AGBL2: variants seen among roughly 807,000 people sequenced by gnomAD.
The protein encoded by AGBL2 is AGBL carboxypeptidase 2.
In AGBL2, 87 loss-of-function variants were observed where a neutral mutation model predicts 103.0. The ratio of observed to expected loss-of-function variants is 0.84; its 90% CI spans 0.71 to 1.01. The LOEUF (loss-of-function observed/expected upper bound fraction) is 1.01, where lower values mean the gene tolerates loss of function less well. AGBL2 is among the 50% of genes least tolerant of loss of function. AGBL2 has a pLI of 0.00. For synonymous variants in AGBL2, 335 were observed against 356.7 expected (o/e 0.94, Z 0.69); for missense variants, 904 against 1,023.5 (o/e 0.88, Z 1.59).
At position 47,710,502 on chromosome 11, in the gene AGBL2, C is replaced by T. The variant is rs771690157; in HGVS notation, c.107G>A (p.Gly36Asp). Residue 36 changes from glycine to aspartate, a missense_variant, in exon 4 of 19, where the codon GGC becomes GAC. Physicochemically the swap from Gly to Asp is moderately conservative, Grantham distance 94 (BLOSUM62 -1). Coordinates refer to ENST00000525123, the MANE Select transcript of AGBL2 (RefSeq NM_024783.4). The stretch of plus-strand genomic sequence containing the variant: ...ATGCGTAGCAGAGTTTGGTAAACTG[C>T]CTCTCTGAGCTAAAAATTGGCAGTT... The part of the protein sequence containing the change: ...QYYGYFKAQR[G>D]SLPNSATHQH... 8 of 1,613,956 alleles carry T rather than the reference C, an allele frequency of 5.0e-6. No individual in the cohort carries two copies. Among genetic ancestry groups the T allele is most frequent in the Non-Finnish European group, 5.1e-6 (6 of 1,180,028 alleles).
Position 47,693,642 on chromosome 11 carries a change from C to G in AGBL2, c.695-1386G>C, listed in dbSNP as rs572633392. 7.9e-5 allele frequency among the ~76,000 whole-genome samples: 12 copies of G among 152,270 alleles called. No homozygotes were observed. The South Asian group carries it at 2.5e-3, about 32-fold the overall frequency. On this transcript the variant is annotated intron_variant, in intron 8 of 18. Transcript: ENST00000525123. ...CTGTATGTTCGTAGTGTTTTGAAAT[C>G]AAGAAATGTGAATCTTCGAATTTTG...
chr11:47,661,238 T>C (rs1490033137), intron 18 of AGBL2, among the ~76,000 whole-genome samples: 1 of 152,174 alleles, frequency 6.6e-6, no homozygotes, highest in African/African-American at 2.4e-5. Flanking sequence ...ACACTGGATT[T>C]AACTGAATTC....
chr11:47,703,935 A>G (rs1198564792), intron 7 of AGBL2, among the ~76,000 whole-genome samples: 1 of 137,238 alleles, frequency 7.3e-6, no homozygotes, highest in Admixed American at 7.3e-5. Flanking sequence ...CAAAAAAAAA[A>G]AAAAACAAAA....
In AGBL2 at chr11:47,690,448, C is replaced by G; in HGVS notation, c.1259G>C (p.Cys420Ser). The G allele has an allele frequency of 6.2e-7, 1 of 1,614,054 alleles. No individual in the cohort carries two copies. Among genetic ancestry groups the G allele is most frequent in the Non-Finnish European group, 8.5e-7 (1 of 1,180,024 alleles). ...VANNPIQSQF[C>S]KLQTLCRSLA... is the part of the protein sequence containing the mutation. ...GCTCCTGCATAAAGTTTGGAGCTTG[C>G]AGAACTGAGACTGGATAGGGTTGTT... Residue 420 changes from cysteine to serine, a missense_variant, in exon 10 of 19, where the codon TGC becomes TCC. By Grantham distance (112) the Cys-to-Ser change is moderately radical. Coordinates refer to ENST00000525123, the MANE Select transcript of AGBL2 (RefSeq NM_024783.4).
intron 13 of AGBL2, among the ~76,000 whole-genome samples, chr11:47,678,793 C>T (rs879531714): frequency 1.3e-5 from 2 of 151,518 alleles, no homozygotes; most frequent in African/African-American, 2.4e-5. Context: ...CACAGTGGCT[C>T]GCGCCTATAA....
chr11:47,711,359 C>T (rs1371110895), intron 3 of AGBL2, among the ~76,000 whole-genome samples: 1 of 152,172 alleles, frequency 6.6e-6, no homozygotes, highest in Non-Finnish European at 1.5e-5. Context: ...TCAGAGATTA[C>T]CTGGGCAACT....
At chr11:47,675,375 GTTTTTTTTTTT>G (rs34044161) in intron 14 of AGBL2, among the ~76,000 whole-genome samples, 3 of 55,114 alleles carry the variant, frequency 5.4e-5, no homozygotes, top group African/African-American at 7.3e-5. Flanking sequence ...CCCCTGCTAA[GTTTTTTTTTTT>G]TTTTTTTTTT....
rs1450580524 is a variant in AGBL2, at chr11:47,682,082, C to T, written c.1802G>A (p.Ser601Asn). ...KNAPDKFSFH[S>N]CNFKVQKCKE... ...GCATTTTTGGACCTTAAAATTACAA[C>T]TGTGAAAAGAGAACTAAAAAGAAAT... Residue 601 changes from serine to asparagine, a missense_variant, in exon 12 of 19, where the codon AGT (serine) becomes AAT (asparagine). Coordinates refer to ENST00000525123, the MANE Select transcript of AGBL2 (RefSeq NM_024783.4). The T allele has an allele frequency of 6.2e-7, 1 of 1,613,752 alleles. No individual in the cohort carries two copies.
intron 10 of AGBL2, among the ~76,000 whole-genome samples, chr11:47,689,062 A>C (rs910039249): frequency 6.6e-6 from 1 of 152,004 alleles, no homozygotes; most frequent in Non-Finnish European, 1.5e-5. Context: ...CTGTATTTTC[A>C]TTTCCAATGG....
At chr11:47,674,193 G>A (rs2097366691) in intron 14 of AGBL2, among the ~76,000 whole-genome samples, 1 of 152,168 alleles carries the variant, frequency 6.6e-6, no homozygotes, top group African/African-American at 2.4e-5. Context: ...ACCTAAGGGG[G>A]ATAAGGAGTG....
intron 7 of AGBL2, among the ~76,000 whole-genome samples, chr11:47,701,987 A>G (rs398045773): frequency 7.5e-6 from 1 of 133,252 alleles, no homozygotes; most frequent in African/African-American, 2.6e-5. Flanking sequence ...AAAAAAAAAA[A>G]AAAAAGAAAA....
intron 10 of AGBL2, 96 bp from the exon 11 acceptor site, chr11:47,686,145 T>G: frequency 7.9e-7 from 1 of 1,268,158 alleles, no homozygotes; most frequent in Non-Finnish European, 1.1e-6. Context: ...CAGCTGTTAA[T>G]ACTTTCCCTC....
At chr11:47,700,370 G>A (rs1055885027) in intron 7 of AGBL2, among the ~76,000 whole-genome samples, 12 of 151,800 alleles carry the variant, frequency 7.9e-5, no homozygotes, top group South Asian at 2.1e-4. Flanking sequence ...CCTGAGGTCG[G>A]GAGTTCGAGA....
rs2097510949 is a variant in AGBL2 at position 47,704,601 on chromosome 11, C to T, written c.528G>A (p.Leu176=). ...ATTCAATTGGCCATCTTGGAGCCTGCAGTGGCCTCTTGGTAGACAAAATGG... is the reference window on the plus strand; with the variant it reads ...ATTCAATTGGCCATCTTGGAGCCTGTAGTGGCCTCTTGGTAGACAAAATGG... ...LFSILSTKRP[L]QAPRWPIECE... is the part of the protein sequence containing the mutation. Residue 176 remains leucine, a synonymous_variant, in exon 7 of 19, where the codon CTG becomes CTA. Coordinates refer to ENST00000525123, the MANE Select transcript of AGBL2 (RefSeq NM_024783.4). 6.2e-7 allele frequency: 1 copy of T among 1,613,876 alleles called. No homozygotes were observed. The highest frequency in any genetic ancestry group is 8.5e-7 in the Non-Finnish European group (1 of 1,180,000).
At chr11:47,669,039 T>C (rs2097349349) in intron 14 of AGBL2, 132 bp from the exon 15 acceptor site, 1 of 628,810 alleles carries the variant, frequency 1.6e-6, no homozygotes, top group South Asian at 1.8e-5. Flanking sequence ...TCATTGTCTA[T>C]GCTTCAATTA....
Position 47,692,258 on chromosome 11 carries a change from T to G in AGBL2, c.695-2A>C. ...TAAAATAGGAACCTTCTATAGGCAC[T>G]GCAGAGAAAAGATATATTTAGGCTA... On this transcript the variant is annotated splice_acceptor_variant, in intron 8 of 18. Transcript: ENST00000525123. LOFTEE classifies it high-confidence loss of function. The G allele has an allele frequency of 6.2e-7, 1 of 1,613,280 alleles. No homozygotes were observed.
intron 8 of AGBL2, among the ~76,000 whole-genome samples, chr11:47,694,920 G>C (rs535489317): frequency 6.6e-6 from 1 of 152,194 alleles, no homozygotes; most frequent in East Asian, 1.9e-4. Flanking sequence ...AGGCTGAGGC[G>C]GGTGGATCAC....
chr11:47,662,940 C>T (rs1335127388), intron 18 of AGBL2, 86 bp downstream of exon 18: 8 of 1,136,944 alleles, frequency 7.0e-6, no homozygotes, highest in African/African-American at 4.7e-5. Context: ...TGTGCATCAC[C>T]GCCCTCCAAA....
chr11:47,707,952 CTA>C (rs1362291177), intron 4 of AGBL2, among the ~76,000 whole-genome samples: 5 of 152,038 alleles, frequency 3.3e-5, no homozygotes, highest in African/African-American at 1.2e-4. Flanking sequence ...AAGGGTCTCT[CTA>C]TGTTGCCCAG....
Sources: gnomAD v4.1 joint callset for allele counts (sites outside exome capture counted in the v4.1 genomes callset) on GRCh38, gnomAD v4.1.1 for gene constraint, MANE v1.5 for transcripts, NCBI Gene and HGNC (gene_info 2026-07-23, HGNC 2026-07-21) for gene names.